The following TENM2 variants were observed in gnomAD, a reference collection of about 807,000 sequenced individuals.
TENM2 encodes the protein teneurin-2.
A neutral mutation model predicts 245.2 loss-of-function variants in TENM2; 52 were observed. The ratio of observed to expected loss-of-function variants is 0.21; its 90% CI spans 0.17 to 0.27. TENM2 has a LOEUF of 0.27. Ranked by LOEUF, TENM2 falls within the 10% of genes least tolerant of loss-of-function variation. The pLI is 1.00. For missense variants in TENM2, 3,046 were observed against 3,666.8 expected (o/e 0.83, Z 4.37); for synonymous variants, 1,363 against 1,438.9 (o/e 0.95, Z 1.19).
intron 25 of TENM2, among the ~76,000 whole-genome samples, chr5:168,235,684 A>G (rs1225124336): frequency 9.2e-5 from 14 of 152,188 alleles, no homozygotes; most frequent in African/African-American, 3.1e-4. Flanking sequence ...CGGCACGCCT[A>G]TAATCCCAGC....
chr5:167,793,759 C>T (rs1317635027), intron 2 of TENM2, among the ~76,000 whole-genome samples: 2 of 151,706 alleles, frequency 1.3e-5, no homozygotes, highest in Non-Finnish European at 2.9e-5. Context: ...TCACTTGATC[C>T]CAAGAGGTCA....
intron 2 of TENM2, among the ~76,000 whole-genome samples, chr5:167,586,421 C>T (rs1582462816): frequency 1.3e-5 from 2 of 152,178 alleles, no homozygotes; most frequent in South Asian, 4.1e-4. Context: ...AACTGTTCCT[C>T]TGACAATATG....
chr5:167,246,615 C>A, the TENM2 span, among the ~76,000 whole-genome samples: 381 of 152,132 alleles, frequency 2.5e-3, 2 homozygotes, highest in African/African-American at 8.6e-3. Context: ...TGATGCCTAA[C>A]CGTATCCTCA....
chr5:168,061,472 C>A (rs1476918252), intron 6 of TENM2, among the ~76,000 whole-genome samples: 3 of 152,110 alleles, frequency 2.0e-5, no homozygotes, highest in Admixed American at 2.0e-4. Context: ...TCAACATAAG[C>A]AATTTTAAAT....
At chr5:168,196,693 C>T (rs1399477527) in intron 15 of TENM2, among the ~76,000 whole-genome samples, 1 of 152,202 alleles carries the variant, frequency 6.6e-6, no homozygotes, top group Non-Finnish European at 1.5e-5. Flanking sequence ...AACTCCTAAC[C>T]TCAAGTGATC....
At chr5:168,237,917 C>T (rs1765650614) in intron 25 of TENM2, among the ~76,000 whole-genome samples, 1 of 151,480 alleles carries the variant, frequency 6.6e-6, no homozygotes, top group African/African-American at 2.4e-5. Flanking sequence ...CCAAGGCGGG[C>T]AGATCACAAG....
intron 1 of TENM2, among the ~76,000 whole-genome samples, chr5:167,330,051 C>A (rs1052645602): frequency 6.6e-6 from 1 of 152,070 alleles, no homozygotes; most frequent in South Asian, 2.1e-4. Flanking sequence ...AGAAAATCTC[C>A]GTTCTTTTTG....
intron 1 of TENM2, among the ~76,000 whole-genome samples, chr5:167,321,717 CTT>C (rs1756734091): frequency 7.0e-6 from 1 of 143,670 alleles, no homozygotes; most frequent in Non-Finnish European, 1.5e-5. Context: ...CCTCCTCAAA[CTT>C]TTCTTTGTTT....
At chr5:167,532,603 A>G (rs1330377381) in intron 2 of TENM2, among the ~76,000 whole-genome samples, 1 of 151,816 alleles carries the variant, frequency 6.6e-6, no homozygotes, top group Non-Finnish European at 1.5e-5. Flanking sequence ...CCATAATTCA[A>G]TTACCTCCTA....
intron 5 of TENM2, among the ~76,000 whole-genome samples, chr5:168,006,116 T>G (rs777520580): frequency 6.6e-6 from 1 of 152,214 alleles, no homozygotes; most frequent in Admixed American, 6.5e-5. Context: ...AAGCCAGTTC[T>G]TATGTTTCCA....
chr5:166,996,454 T>A, the TENM2 span, among the ~76,000 whole-genome samples: 3 of 152,220 alleles, frequency 2.0e-5, no homozygotes, highest in South Asian at 2.1e-4. Flanking sequence ...ATGACCATAC[T>A]GTTCAATTGC....
chr5:168,186,051 A>G (rs1760399934), intron 13 of TENM2: 1 of 150,150 alleles, frequency 6.7e-6, no homozygotes, highest in African/African-American at 2.4e-5. Context: ...CCTATGGCAT[A>G]TGTACAATTA....
intron 2 of TENM2, among the ~76,000 whole-genome samples, chr5:167,512,949 G>A (rs1349683195): frequency 1.3e-5 from 2 of 152,088 alleles, no homozygotes; most frequent in Non-Finnish European, 2.9e-5. Flanking sequence ...AATTATAATT[G>A]ATTAGTACAC....
At chr5:167,799,836 A>G (rs2150940285) in intron 2 of TENM2, among the ~76,000 whole-genome samples, 1 of 152,334 alleles carries the variant, frequency 6.6e-6, no homozygotes, top group Non-Finnish European at 1.5e-5. Flanking sequence ...TGATGATCAC[A>G]GTTTGATCAT....
chr5:168,233,625 A>C (rs1765143460), intron 25 of TENM2, among the ~76,000 whole-genome samples: 2 of 152,344 alleles, frequency 1.3e-5, no homozygotes, highest in South Asian at 4.1e-4. Flanking sequence ...CTTACCTAAC[A>C]GGGCCACCAC....
chr5:167,182,547 T>C, the TENM2 span, among the ~76,000 whole-genome samples: 1 of 152,206 alleles, frequency 6.6e-6, no homozygotes, highest in African/African-American at 2.4e-5. Flanking sequence ...ACATTTTATG[T>C]TCTTTATTGT....
chr5:167,213,003 TATG>T, the TENM2 span, among the ~76,000 whole-genome samples: 1 of 152,210 alleles, frequency 6.6e-6, no homozygotes, highest in Non-Finnish European at 1.5e-5. Flanking sequence ...TTTGAAACAA[TATG>T]ATTTCTCCAA....
At chr5:167,784,427 A>G (rs1282860170) in intron 2 of TENM2, among the ~76,000 whole-genome samples, 1 of 152,176 alleles carries the variant, frequency 6.6e-6, no homozygotes, top group Non-Finnish European at 1.5e-5. Flanking sequence ...TGATTAAATT[A>G]TTTAAAGCAG....
Position 167,866,882 on chromosome 5 carries a change from A to G in TENM2, c.503-9104A>G, listed in dbSNP as rs115503268. On this transcript the variant is annotated intron_variant, in intron 2 of 28. Transcript: ENST00000518659. ...CTAAATGTCACTAAAACTTAATACA[A>G]TTAAAAATTCAGTTTTTCAGTTGTG... 8.3e-3 allele frequency among the ~76,000 whole-genome samples: 1,257 copies of G among 152,312 alleles called. 9 individuals are homozygous for G. The highest frequency in any genetic ancestry group is 0.014 in the Middle Eastern group (4 of 294).
Sources: gnomAD v4.1 joint callset for allele counts (sites outside exome capture counted in the v4.1 genomes callset) on GRCh38, gnomAD v4.1.1 for gene constraint, MANE v1.5 for transcripts, NCBI Gene and HGNC (gene_info 2026-07-23, HGNC 2026-07-21) for gene names.